PRKD1: variants seen among roughly 807,000 people sequenced by gnomAD.
PRKD1 encodes serine/threonine-protein kinase D1.
Under a neutral mutation model 95.9 loss-of-function variants are expected in PRKD1, and 63 were observed. The ratio of observed to expected loss-of-function variants is 0.66; its 90% confidence interval spans 0.54 to 0.81. The LOEUF is 0.81. Among genes scored for constraint, PRKD1 ranks in the 30% least tolerant of loss-of-function variants. The probability of loss-of-function intolerance (pLI) is 0.00; values close to 1 mark genes in which losing one functional copy is unlikely to be tolerated. For synonymous variants in PRKD1, 425 were observed against 423.1 expected, an observed-to-expected ratio of 1.00 and a Z score of -0.05; for missense variants, 1,048 against 1,165.3, an observed-to-expected ratio of 0.90 and a Z score of 1.47.
At chr14:29,730,460 C>A (rs1886376947) in intron 1 of PRKD1, among the ~76,000 whole-genome samples, 3 of 152,084 alleles carry the variant, frequency 2.0e-5, no homozygotes, top group East Asian at 3.8e-4. Context: ...TATGGAGGTT[C>A]TTCAAAAAAC....
chr14:29,661,020 T>C (rs897097862), intron 4 of PRKD1, among the ~76,000 whole-genome samples: 1 of 152,198 alleles, frequency 6.6e-6, no homozygotes, highest in Non-Finnish European at 1.5e-5. Context: ...GATAGTTTAC[T>C]GCCAAAGTTG....
intron 16 of PRKD1, among the ~76,000 whole-genome samples, chr14:29,580,783 C>T (rs569894614): frequency 1.1e-4 from 16 of 151,968 alleles, no homozygotes; most frequent in South Asian, 2.1e-4. Flanking sequence ...TACATTGATA[C>T]AATATTCATG....
Position 29,597,554 on chromosome 14 carries a change from C to A in PRKD1, c.2371G>T (p.Asp791Tyr), listed in dbSNP as rs1162341357. ...FPFNEDEDIH[D>Y]QIQNAAFMYP... ...ATGAAAGCTGCATTCTGAATTTGGT[C>A]GTGTATGTCTTCATCTTCATTAAAT... The change falls in exon 16 of 18, where the codon GAC becomes TAC. Residue 791 changes from aspartate (D) to tyrosine (Y), a missense_variant. Transcript: ENST00000331968. 1 of 1,613,610 alleles carries A rather than the reference C, an allele frequency of 6.2e-7. No individual in the cohort carries two copies. Among genetic ancestry groups the A allele is most frequent in the African/African-American group, 1.3e-5 (1 of 74,888 alleles).
intron 1 of PRKD1, among the ~76,000 whole-genome samples, chr14:29,912,443 A>G (rs1325537265): frequency 6.6e-6 from 1 of 152,220 alleles, no homozygotes; most frequent in Non-Finnish European, 1.5e-5. Flanking sequence ...TCAGAGCCAG[A>G]ATATTCAACA....
intron 16 of PRKD1, among the ~76,000 whole-genome samples, chr14:29,580,387 T>C (rs1192673648): frequency 1.3e-5 from 2 of 152,074 alleles, no homozygotes; most frequent in Non-Finnish European, 2.9e-5. Context: ...AACAAGGCAA[T>C]GGCAACTACT....
At chr14:29,691,864 T>C (rs1428099162) in intron 2 of PRKD1, among the ~76,000 whole-genome samples, 4 of 152,108 alleles carry the variant, frequency 2.6e-5, no homozygotes, top group African/African-American at 7.2e-5. Context: ...TTTGAAGATA[T>C]ATTTAGAATG....
intron 1 of PRKD1, among the ~76,000 whole-genome samples, chr14:29,783,869 A>G (rs1174622758): frequency 6.6e-6 from 1 of 152,168 alleles, no homozygotes; most frequent in Admixed American, 6.5e-5. Context: ...AGTTTGTTGT[A>G]TATTCTGGAT....
At chr14:29,647,636 T>G (rs1408150296) in intron 4 of PRKD1, among the ~76,000 whole-genome samples, 1 of 152,212 alleles carries the variant, frequency 6.6e-6, no homozygotes, top group African/African-American at 2.4e-5. Flanking sequence ...TGACACTGAT[T>G]ACTACTGCCT....
intron 1 of PRKD1, among the ~76,000 whole-genome samples, chr14:29,782,369 A>G (rs1190723434): frequency 6.6e-6 from 1 of 152,182 alleles, no homozygotes; most frequent in African/African-American, 2.4e-5. Context: ...GAGCATTACT[A>G]GCAGCAAAAC....
At chr14:29,904,247 GT>G (rs1022500994) in intron 1 of PRKD1, among the ~76,000 whole-genome samples, 1 of 152,148 alleles carries the variant, frequency 6.6e-6, no homozygotes, top group Non-Finnish European at 1.5e-5. Flanking sequence ...TAAGAAAAAA[GT>G]TAAAAGGGAA....
chr14:29,616,688 G>A (rs1372566154), intron 13 of PRKD1, among the ~76,000 whole-genome samples: 3 of 152,172 alleles, frequency 2.0e-5, no homozygotes, highest in Non-Finnish European at 2.9e-5. Flanking sequence ...TGGACTAAAA[G>A]CAAAGGGTTG....
At chr14:29,651,121 G>T (rs1176184584) in intron 4 of PRKD1, among the ~76,000 whole-genome samples, 1 of 152,170 alleles carries the variant, frequency 6.6e-6, no homozygotes, top group East Asian at 1.9e-4. Context: ...AAACAACGTG[G>T]TAAGACCAAA....
intron 4 of PRKD1, among the ~76,000 whole-genome samples, chr14:29,648,726 C>T (rs575988566): frequency 3.2e-4 from 48 of 152,126 alleles, no homozygotes; most frequent in African/African-American, 1.1e-3. Context: ...GCGATCTCGG[C>T]TCACTGCCAG....
At chr14:29,692,191 C>G (rs1292502138) in intron 2 of PRKD1, among the ~76,000 whole-genome samples, 1 of 146,450 alleles carries the variant, frequency 6.8e-6, no homozygotes, top group Non-Finnish European at 1.5e-5. Context: ...AAATGGAGTT[C>G]AGAAAAAACT....
intron 1 of PRKD1, among the ~76,000 whole-genome samples, chr14:29,839,612 C>T (rs532867670): frequency 2.0e-5 from 3 of 152,094 alleles, no homozygotes; most frequent in East Asian, 1.9e-4. Flanking sequence ...CCCCTCCATA[C>T]AGCACTAGCA....
chr14:29,649,864 C>T (rs1240582581), intron 4 of PRKD1, among the ~76,000 whole-genome samples: 1 of 152,124 alleles, frequency 6.6e-6, no homozygotes, highest in Non-Finnish European at 1.5e-5. Context: ...ATTCACTTTT[C>T]CTTTCTTTTT....
chr14:29,659,977 C>T (rs1762820271), intron 4 of PRKD1, among the ~76,000 whole-genome samples: 2 of 152,114 alleles, frequency 1.3e-5, no homozygotes, highest in African/African-American at 2.4e-5. Context: ...TTTCCTTTGT[C>T]ATCAGTGATT....
At chr14:29,823,911 G>A (rs571835730) in intron 1 of PRKD1, among the ~76,000 whole-genome samples, 5 of 152,122 alleles carry the variant, frequency 3.3e-5, no homozygotes, top group Non-Finnish European at 4.4e-5. Context: ...TTCCCATTGC[G>A]TATTTTGGCT....
At chr14:29,693,307 G>A (rs1884336016) in intron 2 of PRKD1, among the ~76,000 whole-genome samples, 1 of 152,038 alleles carries the variant, frequency 6.6e-6, no homozygotes, top group African/African-American at 2.4e-5. Flanking sequence ...CAATTTTGGT[G>A]GCCAAGGATT....
Sources: allele counts gnomAD v4.1 joint callset (sites outside exome capture counted in the v4.1 genomes callset), GRCh38; gene constraint gnomAD v4.1.1; transcripts MANE v1.5; gene names NCBI Gene and HGNC (gene_info 2026-07-23, HGNC 2026-07-21).